The following TEX26 variants were observed in gnomAD, a reference collection of about 807,000 sequenced individuals.
The protein encoded by TEX26 is testis-expressed protein 26.
TEX26 carries 34 observed loss-of-function variants against 35.3 expected under a neutral mutation model. That is an observed-to-expected ratio of 0.96 (90% confidence interval 0.73 to 1.28). TEX26 has a LOEUF of 1.28. Ranked by LOEUF, TEX26 falls within the 50% of genes most tolerant of loss-of-function variation. The pLI, the probability that TEX26 is intolerant of heterozygous loss-of-function variation, is 0.00. For missense variants in TEX26, 371 were observed against 330.1 expected, an observed-to-expected ratio of 1.12 and a Z score of -0.96; for synonymous variants, 136 against 111.8, an observed-to-expected ratio of 1.22 and a Z score of -1.36.
At chr13:30,973,993 T>A (rs1954794390) in intron 6 of TEX26, among the ~76,000 whole-genome samples, 1 of 151,436 alleles carries the variant, frequency 6.6e-6, no homozygotes, top group East Asian at 1.9e-4. Flanking sequence ...TGGTGGTTCA[T>A]GCCTGTAATC....
At chr13:30,939,623 A>T in intron 1 of TEX26, 71 bp from the exon 2 acceptor site, 1 of 1,371,354 alleles carries the variant, frequency 7.3e-7, no homozygotes, top group Non-Finnish European at 1.0e-6. Flanking sequence ...AAATTATCTT[A>T]ATTGTTAAAA....
intron 2 of TEX26, among the ~76,000 whole-genome samples, chr13:30,943,805 G>C (rs1195687236): frequency 6.6e-6 from 1 of 151,990 alleles, no homozygotes; most frequent in South Asian, 2.1e-4. Flanking sequence ...GCATCCCTGG[G>C]ATGAAACCCA....
At position 30,966,340 on chromosome 13, in the gene TEX26, A is replaced by G. The variant is rs150406744; in HGVS notation, c.588A>G (p.Gln196=). The G allele has an allele frequency of 3.7e-6, 6 of 1,613,924 alleles. No individual in the cohort carries two copies. In the African/African-American group the frequency reaches 5.3e-5, roughly 14 times the overall value. The change falls in exon 5 of 7, where the codon CAA becomes CAG. Residue 196 remains glutamine (Q), a synonymous_variant. Coordinates refer to ENST00000380473, the MANE Select transcript of TEX26 (RefSeq NM_152325.3). ...YQIPAKIPEL[Q]DFSFKYGCYS... ...TTCCAGCTAAAATTCCTGAGCTTCAAGATTTCAGTTTCAAATATGGATGCT... is the reference window on the plus strand; with the variant it reads ...TTCCAGCTAAAATTCCTGAGCTTCAGGATTTCAGTTTCAAATATGGATGCT...
At chr13:30,961,392 G>C (rs1176151434) in intron 4 of TEX26, among the ~76,000 whole-genome samples, 1 of 152,176 alleles carries the variant, frequency 6.6e-6, no homozygotes, top group Non-Finnish European at 1.5e-5. Flanking sequence ...GCCTTCCACT[G>C]TACCTGTTAC....
intron 2 of TEX26, among the ~76,000 whole-genome samples, chr13:30,940,864 G>A (rs987178785): frequency 6.6e-6 from 1 of 151,424 alleles, no homozygotes. Flanking sequence ...CTTGAACTCC[G>A]GAGGTGGAGG....
chr13:30,941,121 T>C (rs1464946563), intron 2 of TEX26, among the ~76,000 whole-genome samples: 1 of 152,192 alleles, frequency 6.6e-6, no homozygotes, highest in Admixed American at 6.5e-5. Flanking sequence ...TTGTCATTAG[T>C]GAAATGGGGA....
At chr13:30,937,329 C>T (rs1365671401) in intron 1 of TEX26, among the ~76,000 whole-genome samples, 1 of 152,174 alleles carries the variant, frequency 6.6e-6, no homozygotes, top group Non-Finnish European at 1.5e-5. Context: ...GAGGTGCTGC[C>T]TGGAGTGCTG....
At position 30,932,694 on chromosome 13, in the gene TEX26, C is replaced by G. The variant is rs1365535887; in HGVS notation, c.-22C>G. On this transcript the variant is annotated 5_prime_UTR_variant, in exon 1 of 7. Transcript: ENST00000380473. ...GCTGAGATAGCTGGAGCCAGGGCCCCGCGGCCGCCTCCTGGGGCAGAATGG... is the reference window on the plus strand; with the variant it reads ...GCTGAGATAGCTGGAGCCAGGGCCCGGCGGCCGCCTCCTGGGGCAGAATGG... 4 of 1,610,166 alleles carry G rather than the reference C, an allele frequency of 2.5e-6. No homozygotes were observed. The highest frequency in any genetic ancestry group is 8.5e-7 in the Non-Finnish European group (1 of 1,178,838).
intron 4 of TEX26, among the ~76,000 whole-genome samples, chr13:30,961,318 G>A (rs1253221631): frequency 6.6e-6 from 1 of 152,172 alleles, no homozygotes; most frequent in Non-Finnish European, 1.5e-5. Context: ...AGGTGATCCG[G>A]GAAGCCACTT....
intron 1 of TEX26, among the ~76,000 whole-genome samples, chr13:30,938,109 A>C (rs1278553207): frequency 1.3e-5 from 2 of 152,236 alleles, no homozygotes; most frequent in Non-Finnish European, 2.9e-5. Flanking sequence ...CCTAGAGAAC[A>C]TTGTGTATTC....
At chr13:30,946,574 T>C (rs1296466857) in intron 2 of TEX26, among the ~76,000 whole-genome samples, 1 of 152,020 alleles carries the variant, frequency 6.6e-6, no homozygotes, top group Non-Finnish European at 1.5e-5. Flanking sequence ...GTAGACTATT[T>C]ATTCTAATTA....
At chr13:30,947,784 A>T (rs961423773) in intron 2 of TEX26, among the ~76,000 whole-genome samples, 3 of 152,094 alleles carry the variant, frequency 2.0e-5, no homozygotes, top group African/African-American at 7.2e-5. Context: ...ACATGTGCAC[A>T]ATGTACAGGT....
chr13:30,933,450 C>T (rs1049035152), intron 1 of TEX26: 3 of 152,242 alleles, frequency 2.0e-5, no homozygotes, highest in African/African-American at 7.2e-5. Flanking sequence ...ACGCTAGTGG[C>T]ATGATTACCG....
chr13:30,957,678 C>A lies in TEX26; in HGVS notation c.469+649C>A, dbSNP rs567720706. ...GGCTTGACACAGGGCTGTGGCAGTGCGGATGGAGGCAGGATCTGCAAGGTG... is the reference window on the plus strand; with the variant it reads ...GGCTTGACACAGGGCTGTGGCAGTGAGGATGGAGGCAGGATCTGCAAGGTG... On this transcript the variant is annotated intron_variant, in intron 4 of 6. Transcript: ENST00000380473. 4.6e-5 allele frequency among the ~76,000 whole-genome samples: 7 copies of A among 152,224 alleles called. No homozygotes were observed. In the South Asian group the frequency reaches 1.2e-3, roughly 27 times the overall value.
intron 2 of TEX26, among the ~76,000 whole-genome samples, chr13:30,947,971 T>C (rs1019878647): frequency 3.3e-5 from 5 of 151,846 alleles, no homozygotes; most frequent in African/African-American, 9.7e-5. Context: ...TTCACACCCA[T>C]GAGTGAGAAC....
intron 3 of TEX26, among the ~76,000 whole-genome samples, chr13:30,953,824 T>G (rs1346822941): frequency 6.6e-6 from 1 of 152,206 alleles, no homozygotes; most frequent in Non-Finnish European, 1.5e-5. Context: ...GTAAAGGGTT[T>G]CATTTGCTTG....
chr13:30,966,087 C>G, intron 4 of TEX26, 135 bp from the exon 5 acceptor site: 2 of 888,624 alleles, frequency 2.3e-6, no homozygotes, highest in Non-Finnish European at 3.5e-6. Context: ...CTGTGACTGA[C>G]AAAGCAGAAA....
Position 30,956,953 on chromosome 13 carries a change from A to T in TEX26, c.393A>T (p.Ser131=). ...KNCLPWKIPA[S]MKEVNKALSN... The stretch of plus-strand genomic sequence containing the variant: ...GCCTCCCTTGGAAAATCCCGGCTTC[A>T]ATGAAAGAAGTTAACAAGGCACTAT... Residue 131 remains serine (S), a synonymous_variant, in exon 4 of 7, where the codon TCA becomes TCT. Transcript: ENST00000380473. 6.2e-7 allele frequency: 1 copy of T among 1,614,234 alleles called. No homozygotes were observed. Among genetic ancestry groups the T allele is most frequent in the Non-Finnish European group, 8.5e-7 (1 of 1,180,022 alleles).
At chr13:30,951,660 G>C (rs1243359460) in intron 2 of TEX26, among the ~76,000 whole-genome samples, 1 of 152,110 alleles carries the variant, frequency 6.6e-6, no homozygotes. Flanking sequence ...TAGAGTATGT[G>C]GAAGCAAATC....
Sources: gnomAD v4.1 joint callset for allele counts (sites outside exome capture counted in the v4.1 genomes callset) on GRCh38, gnomAD v4.1.1 for gene constraint, MANE v1.5 for transcripts, NCBI Gene and HGNC (gene_info 2026-07-23, HGNC 2026-07-21) for gene names.